GLT1D1: variants seen among roughly 807,000 people sequenced by gnomAD.
GLT1D1 encodes glycosyltransferase 1 domain-containing protein 1.
In GLT1D1, 21 loss-of-function variants were observed where a neutral mutation model predicts 28.7. The observed-to-expected ratio is 0.73, with a 90% CI of 0.52 to 1.05. The LOEUF is 1.05. Ranked by LOEUF, GLT1D1 falls within the 50% of genes least tolerant of loss-of-function variation. GLT1D1 has a pLI of 0.00. For missense variants in GLT1D1, 343 were observed against 330.6 expected (o/e 1.04, Z -0.29); for synonymous variants, 147 against 124.8 (o/e 1.18, Z -1.19).
intron 7 of GLT1D1, among the ~76,000 whole-genome samples, chr12:128,976,014 C>T (rs1019501840): frequency 6.6e-6 from 1 of 152,128 alleles, no homozygotes; most frequent in African/African-American, 2.4e-5. Context: ...ATTGATGTGT[C>T]GTCAGCGGCG....
rs369912965 is a variant in GLT1D1, at chr12:128,958,503, G to A, written c.639+860G>A. Among the ~76,000 whole-genome samples, 56 of 151,486 alleles carry A rather than the reference G, an allele frequency of 3.7e-4. 2 individuals carry two copies. In the East Asian group the frequency reaches 0.01, roughly 27 times the overall value. ...CGCCTGTAATCCCAGCACTTTGGGA[G>A]GCTGAGGTGGTAGGATCATTTGAGG... On this transcript the variant is annotated intron_variant, in intron 7 of 7. Coordinates refer to ENST00000281703, the MANE Select transcript of GLT1D1 (RefSeq NM_144669.3).
chr12:128,984,005 T>A lies in GLT1D1; in HGVS notation c.*915T>A, dbSNP rs542745938. The A allele has an allele frequency of 1.3e-5, 2 of 152,418 alleles. No individual in the cohort carries two copies. Among genetic ancestry groups the A allele is most frequent in the Admixed American group, 1.3e-4 (2 of 15,308 alleles). The allele number at this position is 152,418 out of a possible 1,614,324, so 9.4% of individuals were successfully genotyped here. A position where few individuals can be genotyped will look rare whatever the true frequency, so the allele number is the denominator to read the frequency against. On this transcript the variant is annotated 3_prime_UTR_variant, in exon 8 of 8. Transcript: ENST00000281703. ...TAATGGTGGCCTCGCCCCATCCATG[T>A]CATCCATGTCACATGAGGACGTGCA...
chr12:128,888,289 T>G (rs955188660), intron 2 of GLT1D1, among the ~76,000 whole-genome samples: 5 of 152,186 alleles, frequency 3.3e-5, no homozygotes, highest in African/African-American at 9.7e-5. Context: ...GCCCTTTTTT[T>G]GTCATGAATT....
chr12:128,967,025 A>T (rs1878523466), intron 7 of GLT1D1, among the ~76,000 whole-genome samples: 1 of 152,238 alleles, frequency 6.6e-6, no homozygotes, highest in South Asian at 2.1e-4. Context: ...TAGCTTCGAA[A>T]TTAAAATCCA....
intron 4 of GLT1D1, among the ~76,000 whole-genome samples, chr12:128,903,736 A>G (rs1215072419): frequency 6.6e-6 from 1 of 151,234 alleles, no homozygotes; most frequent in Non-Finnish European, 1.5e-5. Flanking sequence ...AAATATTTTT[A>G]TTTTTATTTT....
chr12:128,954,791 C>T (rs1346453896), intron 6 of GLT1D1, among the ~76,000 whole-genome samples: 1 of 152,112 alleles, frequency 6.6e-6, no homozygotes, highest in Admixed American at 6.6e-5. Context: ...TGCTACAAAA[C>T]ATTTTTAAAA....
Position 128,983,346 on chromosome 12 carries a change from G to A in GLT1D1, c.*256G>A. On this transcript the variant is annotated 3_prime_UTR_variant, in exon 8 of 8. Coordinates refer to ENST00000281703, the MANE Select transcript of GLT1D1 (RefSeq NM_144669.3). The surrounding 1 kb of genome is among the most constrained non-coding windows in gnomAD (Gnocchi z 4.7). ...TGAGTGACTGGGTTGACTGGGACAG[G>A]GAAAGGGGAACTGGTTTTCAGGGAA... 4.6e-6 allele frequency: 2 copies of A among 430,208 alleles called. No individual in the cohort carries two copies. The highest frequency in any genetic ancestry group is 3.6e-5 in the East Asian group (1 of 27,618). The allele number at this position is 430,208 out of a possible 1,614,324, so 26.6% of individuals were successfully genotyped here.
intron 4 of GLT1D1, among the ~76,000 whole-genome samples, chr12:128,933,001 C>A (rs901456396): frequency 2.0e-5 from 3 of 152,246 alleles, no homozygotes; most frequent in African/African-American, 7.2e-5. Context: ...CTCCCCCGGT[C>A]CCACTGAAGC....
At chr12:128,920,241 C>T (rs1872541939) in intron 4 of GLT1D1, among the ~76,000 whole-genome samples, 1 of 151,920 alleles carries the variant, frequency 6.6e-6, no homozygotes, top group Non-Finnish European at 1.5e-5. Flanking sequence ...TTTGTAATAA[C>T]AAGTGAAAAA....
rs1428107591 is a variant in GLT1D1 at position 128,957,618 on chromosome 12, C to A, written c.614C>A (p.Thr205Lys). ...GCTGCCGTGGTGAAGCATGAAGTCA[C>A]AGGGCTACTGTTTTCCAATCCTCAG... The change falls in exon 7 of 8, where the codon ACA becomes AAA. Residue 205 changes from threonine (T) to lysine (K), a missense_variant. By Grantham distance (78) the Thr-to-Lys change is moderately conservative (BLOSUM62 -1). Coordinates refer to ENST00000281703, the MANE Select transcript of GLT1D1 (RefSeq NM_144669.3). 2.5e-6 allele frequency: 4 copies of A among 1,612,850 alleles called. No individual in the cohort carries two copies. The East Asian group carries it at 8.9e-5, about 36-fold the overall frequency.
At chr12:128,899,329 A>C (rs1566114356) in intron 4 of GLT1D1, 42 bp downstream of exon 4, 1 of 1,561,448 alleles carries the variant, frequency 6.4e-7, no homozygotes. Flanking sequence ...TGTGCTGATG[A>C]AATTGCAGAA....
intron 1 of GLT1D1, among the ~76,000 whole-genome samples, chr12:128,856,340 G>C (rs540541749): frequency 6.6e-6 from 1 of 152,134 alleles, no homozygotes; most frequent in African/African-American, 2.4e-5. Flanking sequence ...CTGTGACTTA[G>C]AATGCCTTAA....
At chr12:128,915,467 T>C (rs997492496) in intron 4 of GLT1D1, among the ~76,000 whole-genome samples, 5 of 151,404 alleles carry the variant, frequency 3.3e-5, no homozygotes, top group Non-Finnish European at 7.4e-5. Context: ...CGGGTTCAAG[T>C]GATTCTCCTG....
chr12:128,866,452 T>C (rs1165010943), intron 1 of GLT1D1, among the ~76,000 whole-genome samples: 1 of 152,028 alleles, frequency 6.6e-6, no homozygotes, highest in Non-Finnish European at 1.5e-5. Flanking sequence ...TTATTGATGA[T>C]GGTCACCATG....
At chr12:128,965,730 A>AG (rs989119129) in intron 7 of GLT1D1, among the ~76,000 whole-genome samples, 26 of 144,422 alleles carry the variant, frequency 1.8e-4, no homozygotes, top group African/African-American at 6.2e-4. Context: ...AAAAAAAAAA[A>AG]AAAAAGAAAA....
intron 4 of GLT1D1, among the ~76,000 whole-genome samples, chr12:128,937,779 G>T (rs756581813): frequency 1.3e-5 from 2 of 152,074 alleles, no homozygotes; most frequent in Non-Finnish European, 2.9e-5. Flanking sequence ...CCTTCACTCT[G>T]CACTTCTCCT....
intron 7 of GLT1D1, among the ~76,000 whole-genome samples, chr12:128,966,045 A>G (rs1878425490): frequency 6.6e-6 from 1 of 152,264 alleles, no homozygotes; most frequent in Admixed American, 6.5e-5. Context: ...TAATTAATGC[A>G]TCACATTTGA....
chr12:128,926,230 A>AATAATAATAAG (rs1555269777), intron 4 of GLT1D1, 129 bp from the exon 7 acceptor site: 12 of 244,828 alleles, frequency 4.9e-5, no homozygotes, highest in African/African-American at 2.8e-4. Context: ...TAATAATAAT[A>AATAATAATAAG]ATAATAAGAG....
At chr12:128,968,587 C>T (rs117049606) in intron 7 of GLT1D1, among the ~76,000 whole-genome samples, 2 of 151,908 alleles carry the variant, frequency 1.3e-5, no homozygotes, top group Non-Finnish European at 1.5e-5. Context: ...CACTTGAACC[C>T]GGAGGGTGGG....
Sources: allele counts gnomAD v4.1 joint callset (sites outside exome capture counted in the v4.1 genomes callset), GRCh38; gene constraint gnomAD v4.1.1; non-coding constraint Gnocchi (gnomAD v3.1); transcripts MANE v1.5; gene names NCBI Gene and HGNC (gene_info 2026-07-23, HGNC 2026-07-21).